The following RTKN2 variants were observed in gnomAD, a reference collection of about 807,000 sequenced individuals.
The protein encoded by RTKN2 is rhotekin 2.
RTKN2 carries 69 observed loss-of-function variants against 71.5 expected under a neutral mutation model. The observed-to-expected ratio is 0.96, with a 90% CI of 0.79 to 1.18. The LOEUF (loss-of-function observed/expected upper bound fraction) is 1.18. Among genes scored for constraint, RTKN2 ranks in the 50% most tolerant of loss-of-function variants. RTKN2 has a pLI of 0.00. For missense variants in RTKN2, 724 were observed against 719.7 expected (o/e 1.01, Z -0.07); for synonymous variants, 236 against 236.5 (o/e 1.00, Z 0.02).
chr10:62,202,092 T>C (rs1841455132), intron 10 of RTKN2, among the ~76,000 whole-genome samples: 1 of 152,202 alleles, frequency 6.6e-6, no homozygotes, highest in African/African-American at 2.4e-5. Flanking sequence ...ACCTTAATTT[T>C]CTCTATCTTT....
At position 62,241,202 on chromosome 10, in the gene RTKN2, A is replaced by C. The variant is rs773533118; in HGVS notation, c.317-7T>G. On this transcript the variant is annotated splice_region_variant and splice_polypyrimidine_tract_variant and intron_variant, in intron 3 of 11. Transcript: ENST00000373789. ...ATTAGTGGTATTCGAATATCTATAA[A>C]GAAGGGAAAAAGAAATGACAAGTAA... 1 of 1,547,426 alleles carries C rather than the reference A, an allele frequency of 6.5e-7. No homozygotes were observed.
chr10:62,204,851 A>C lies in RTKN2; in HGVS notation c.1186+6T>G, dbSNP rs753068840. 6.5e-7 allele frequency: 1 copy of C among 1,548,850 alleles called. No homozygotes were observed. Among genetic ancestry groups the C allele is most frequent in the South Asian group, 1.3e-5 (1 of 79,418 alleles). ...CACAACTAAAAAAATCCAAATATCT[A>C]TTTACTAAGATCAAAGAAATGCTGC... On this transcript the variant is annotated splice_donor_region_variant and intron_variant, in intron 10 of 11. Coordinates refer to ENST00000373789, the MANE Select transcript of RTKN2 (RefSeq NM_145307.4).
At chr10:62,248,994 A>G (rs557939081) in intron 2 of RTKN2, among the ~76,000 whole-genome samples, 1 of 152,256 alleles carries the variant, frequency 6.6e-6, no homozygotes, top group Non-Finnish European at 1.5e-5. Context: ...TCAAACGTTT[A>G]GCATGAAATT....
intron 7 of RTKN2, among the ~76,000 whole-genome samples, chr10:62,221,124 C>T (rs1841896116): frequency 8.5e-6 from 1 of 117,772 alleles, no homozygotes; most frequent in African/African-American, 3.4e-5. Flanking sequence ...AATATTAAAT[C>T]TAAATAAGTA....
Position 62,263,085 on chromosome 10 carries a change from C to T in RTKN2, c.61-264G>A, listed in dbSNP as rs561925726. 5.6e-4 allele frequency among the ~76,000 whole-genome samples: 85 copies of T among 152,206 alleles called. 1 individual carries two copies. The highest frequency in any genetic ancestry group is 6.3e-4 in the African/African-American group (26 of 41,524). Reference sequence around the variant, plus strand: ...AACATTATGTGTTCTTATAACTATACGAAGTTTAATAGCATCCCTCCAAAA... The same window carrying T: ...AACATTATGTGTTCTTATAACTATATGAAGTTTAATAGCATCCCTCCAAAA... On this transcript the variant is annotated intron_variant, in intron 1 of 11. Coordinates refer to ENST00000373789, the MANE Select transcript of RTKN2 (RefSeq NM_145307.4).
At chr10:62,188,241 T>C (rs1841166489), downstream of RTKN2, among the ~76,000 whole-genome samples, 1 of 152,182 alleles carries the variant, frequency 6.6e-6, no homozygotes, top group African/African-American at 2.4e-5. Flanking sequence ...TGTCAAGGTG[T>C]CTCACTAGTA....
chr10:62,196,056 AG>A lies in RTKN2; in HGVS notation c.*1851del. The A allele has an allele frequency of 1.0e-6, 1 of 985,300 alleles. No individual in the cohort carries two copies. Among genetic ancestry groups the A allele is most frequent in the South Asian group, 4.7e-5 (1 of 21,280 alleles). 61.0% of individuals were successfully genotyped at this position (985,300 alleles called of 1,614,324 possible). On this transcript the variant is annotated 3_prime_UTR_variant, in exon 12 of 12. Transcript: ENST00000373789. ...GAAGGCATCAACTAGGAAAAAAAAA[AG>A]AATGCTTAGATGCCAGCTTCAAAAC...
intron 8 of RTKN2, among the ~76,000 whole-genome samples, chr10:62,185,922 GT>G (rs1198232769): frequency 6.6e-6 from 1 of 152,202 alleles, no homozygotes; most frequent in East Asian, 1.9e-4. Flanking sequence ...GAATTTTACG[GT>G]TTTATATATA....
At position 62,194,097 on chromosome 10, in the gene RTKN2, T is replaced by C. The variant is rs371750737; in HGVS notation, c.*3811A>G. The C allele has an allele frequency of 2.0e-4, 197 of 981,008 alleles. No homozygotes were observed. In the African/African-American group the frequency reaches 3.1e-3, roughly 15 times the overall value. 60.8% of individuals were successfully genotyped at this position (981,008 alleles called of 1,614,324 possible). On this transcript the variant is annotated 3_prime_UTR_variant, in exon 12 of 12. Transcript: ENST00000373789. Reference sequence around the variant, plus strand: ...TACTTTAAAAAATGTATGTCCATGATATAATACTTTTTAATCCAAAAGTCT... The same window carrying C: ...TACTTTAAAAAATGTATGTCCATGACATAATACTTTTTAATCCAAAAGTCT...
rs1841295536 is a variant in RTKN2 at position 62,195,091 on chromosome 10, AAAT to A, written c.*2814_*2816del. The A allele has an allele frequency of 6.1e-6, 6 of 983,064 alleles. No individual in the cohort carries two copies. In the South Asian group the frequency reaches 2.8e-4, roughly 46 times the overall value. 60.9% of individuals were successfully genotyped at this position (983,064 alleles called of 1,614,324 possible). On this transcript the variant is annotated 3_prime_UTR_variant, in exon 12 of 12. Coordinates refer to ENST00000373789, the MANE Select transcript of RTKN2 (RefSeq NM_145307.4). ...AAAGTTACCACTTAGTAGCAATTAA[AAAT>A]AATACTATCTTAATGCTGACTACGT...
chr10:62,266,538 G>T (rs941988793), intron 1 of RTKN2, among the ~76,000 whole-genome samples: 1 of 69,912 alleles, frequency 1.4e-5, no homozygotes, highest in Non-Finnish European at 3.4e-5. Context: ...CCATTCTGGG[G>T]AATGGAACTG....
chr10:62,214,091 A>T (rs1306045314), intron 9 of RTKN2, among the ~76,000 whole-genome samples: 1 of 151,986 alleles, frequency 6.6e-6, no homozygotes, highest in Non-Finnish European at 1.5e-5. Flanking sequence ...CCAACACTGG[A>T]GAAAATTAAG....
chr10:62,234,231 T>C (rs950386505), intron 6 of RTKN2, among the ~76,000 whole-genome samples: 6 of 151,892 alleles, frequency 4.0e-5, no homozygotes, highest in Non-Finnish European at 7.4e-5. Context: ...ACAAACATTA[T>C]AAAAATTCAA....
downstream of RTKN2, among the ~76,000 whole-genome samples, chr10:62,191,691 G>A (rs376113566): frequency 2.2e-4 from 33 of 152,272 alleles, no homozygotes; most frequent in African/African-American, 7.2e-4. Context: ...CGGAATTCAC[G>A]TGAGCTTAAG....
chr10:62,260,464 T>C (rs576202223), intron 2 of RTKN2, among the ~76,000 whole-genome samples: 1 of 152,308 alleles, frequency 6.6e-6, no homozygotes, highest in South Asian at 2.1e-4. Flanking sequence ...ATATAGACTA[T>C]ACAAGATTTT....
chr10:62,239,803 T>A (rs780580738), intron 4 of RTKN2, 38 bp from the exon 5 acceptor site: 2 of 959,306 alleles, frequency 2.1e-6, no homozygotes, highest in East Asian at 4.9e-5. Context: ...CAACAATCCA[T>A]GTAATAAATC....
At chr10:62,219,609 A>G (rs1322962246) in intron 7 of RTKN2, among the ~76,000 whole-genome samples, 1 of 152,078 alleles carries the variant, frequency 6.6e-6, no homozygotes, top group Non-Finnish European at 1.5e-5. Flanking sequence ...GGTACAGACT[A>G]TCATGTAAGC....
At chr10:62,228,824 T>A (rs1842088217) in intron 6 of RTKN2, among the ~76,000 whole-genome samples, 1 of 152,104 alleles carries the variant, frequency 6.6e-6, no homozygotes, top group Non-Finnish European at 1.5e-5. Context: ...ATTTGGTGGA[T>A]GGAGGATATT....
At chr10:62,266,678 C>T (rs1002052316) in intron 1 of RTKN2, among the ~76,000 whole-genome samples, 1 of 152,156 alleles carries the variant, frequency 6.6e-6, no homozygotes, top group African/African-American at 2.4e-5. Context: ...TAGGGGACTG[C>T]CCTAACCACT....
Sources: allele counts gnomAD v4.1 joint callset (sites outside exome capture counted in the v4.1 genomes callset), GRCh38; gene constraint gnomAD v4.1.1; transcripts MANE v1.5; gene names NCBI Gene and HGNC (gene_info 2026-07-23, HGNC 2026-07-21).